KSR2: variants seen among roughly 807,000 people sequenced by gnomAD.
The protein encoded by KSR2 is kinase suppressor of ras 2.
KSR2 carries 25 observed loss-of-function variants against 107.8 expected under a neutral mutation model. That is an observed-to-expected ratio of 0.23 (90% CI 0.17 to 0.32). The LOEUF (loss-of-function observed/expected upper bound fraction) is 0.32. Ranked by LOEUF, KSR2 falls within the 10% of genes least tolerant of loss-of-function variation. KSR2 has a pLI of 1.00. For synonymous variants in KSR2, 480 were observed against 507.0 expected, an observed-to-expected ratio of 0.95 and a Z score of 0.71; for missense variants, 887 against 1,268.9, an observed-to-expected ratio of 0.70 and a Z score of 4.57.
chr12:117,936,532 A>AG (rs879651343), intron 1 of KSR2, among the ~76,000 whole-genome samples: 3,296 of 92,288 alleles, frequency 0.036, 38 homozygotes, highest in African/African-American at 0.045. Flanking sequence ...TATTATTATT[A>AG]TTAGTAGTAG....
At chr12:117,670,733 A>C (rs1262873227) in intron 4 of KSR2, among the ~76,000 whole-genome samples, 1 of 152,074 alleles carries the variant, frequency 6.6e-6, no homozygotes, top group African/African-American at 2.4e-5. Flanking sequence ...TTTGCTCTGG[A>C]GTAACTAAAT....
At chr12:117,714,863 T>C (rs1418898921) in intron 4 of KSR2, among the ~76,000 whole-genome samples, 7 of 152,042 alleles carry the variant, frequency 4.6e-5, no homozygotes, top group Non-Finnish European at 7.4e-5. Flanking sequence ...CCACGAAAAA[T>C]TATGCAGCCC....
intron 4 of KSR2, among the ~76,000 whole-genome samples, chr12:117,723,662 T>C (rs536645435): frequency 6.6e-6 from 1 of 152,096 alleles, no homozygotes; most frequent in South Asian, 2.1e-4. Flanking sequence ...CCAAATAAGA[T>C]CTGTACCTAA....
rs911090824 is a variant in KSR2 at position 117,458,566 on chromosome 12, T to C, written c.*8633A>G. ...TTCTTCTGAGCTAATTTAAGCTAAA[T>C]ACATGGCAGCTATTTTTCATCTCTA... is the stretch of plus-strand genomic sequence containing the variant. On this transcript the variant is annotated 3_prime_UTR_variant, in exon 20 of 20. Coordinates refer to ENST00000339824, the MANE Select transcript of KSR2 (RefSeq NM_173598.6). The C allele has an allele frequency of 1.3e-5, 2 of 152,212 alleles. No individual in the cohort carries two copies. Among genetic ancestry groups the C allele is most frequent in the African/African-American group, 4.8e-5 (2 of 41,464 alleles). The allele number at this position is 152,212 out of a possible 1,614,324, so 9.4% of individuals were successfully genotyped here.
chr12:117,647,471 G>C (rs1883703675), intron 5 of KSR2, among the ~76,000 whole-genome samples: 1 of 152,322 alleles, frequency 6.6e-6, no homozygotes, highest in East Asian at 1.9e-4. Context: ...GGGTGCCATG[G>C]GTGGGAGGCT....
chr12:117,861,963 G>A (rs1406867075), intron 1 of KSR2, among the ~76,000 whole-genome samples: 2 of 152,060 alleles, frequency 1.3e-5, no homozygotes, highest in Admixed American at 6.6e-5. Flanking sequence ...AAACAATTTG[G>A]AAGAATAAAC....
At position 117,465,673 on chromosome 12, in the gene KSR2, T is replaced by A. The variant is rs577903970; in HGVS notation, c.*1526A>T. On this transcript the variant is annotated 3_prime_UTR_variant, in exon 20 of 20. Coordinates refer to ENST00000339824, the MANE Select transcript of KSR2 (RefSeq NM_173598.6). ...GCCCTCTAGGAGGGAGATGCCTGGA[T>A]AGATAGTAGCTACAAGAAAACTAAG... is the stretch of plus-strand genomic sequence containing the variant. 2 of 152,132 alleles carry A rather than the reference T, an allele frequency of 1.3e-5. No homozygotes were observed. Among genetic ancestry groups the A allele is most frequent in the Admixed American group, 1.3e-4 (2 of 15,280 alleles). 9.4% of individuals were successfully genotyped at this position (152,132 alleles called of 1,614,324 possible).
chr12:117,728,822 G>A (rs182540462), intron 4 of KSR2, among the ~76,000 whole-genome samples: 17 of 152,336 alleles, frequency 1.1e-4, no homozygotes, highest in African/African-American at 3.8e-4. Flanking sequence ...AGCCATGCCA[G>A]GGGGTCACTG....
chr12:117,639,481 C>A (rs945142488), intron 5 of KSR2, among the ~76,000 whole-genome samples: 2 of 151,020 alleles, frequency 1.3e-5, no homozygotes. Flanking sequence ...AGGTGTGCAC[C>A]ACCATGCCCG....
At chr12:117,600,077 C>G (rs1880854249) in intron 5 of KSR2, among the ~76,000 whole-genome samples, 1 of 152,156 alleles carries the variant, frequency 6.6e-6, no homozygotes, top group Non-Finnish European at 1.5e-5. Flanking sequence ...GCCACCACTC[C>G]CAGCTGTAGT....
At chr12:117,587,841 T>C (rs1450171003) in intron 5 of KSR2, among the ~76,000 whole-genome samples, 1 of 152,204 alleles carries the variant, frequency 6.6e-6, no homozygotes, top group African/African-American at 2.4e-5. Context: ...GACGCTGTGC[T>C]GGGCAGTATG....
intron 5 of KSR2, among the ~76,000 whole-genome samples, chr12:117,589,326 T>G (rs750827905): frequency 3.3e-5 from 5 of 152,208 alleles, no homozygotes; most frequent in Non-Finnish European, 5.9e-5. Flanking sequence ...TAGCTAACTT[T>G]TATTAAGCAC....
chr12:117,760,662 G>C (rs150051018), intron 4 of KSR2, among the ~76,000 whole-genome samples: 221 of 152,302 alleles, frequency 1.5e-3, no homozygotes, highest in Non-Finnish European at 2.4e-3. Flanking sequence ...TTTCAGCTTT[G>C]TGGGCTATTC....
In KSR2 at chr12:117,539,701, C is replaced by T. The variant is rs1280845687; in HGVS notation, c.1687+18G>A. 6.3e-7 allele frequency: 1 copy of T among 1,594,406 alleles called. No homozygotes were observed. The highest frequency in any genetic ancestry group is 1.4e-5 in the African/African-American group (1 of 73,880). On this transcript the variant is annotated intron_variant, in intron 10 of 19. Coordinates refer to ENST00000339824, the MANE Select transcript of KSR2 (RefSeq NM_173598.6). ...CTCCAACGCTGCACCCCTCATGTCT[C>T]CCCAAGCATGGAGGTACCTGGCAGG...
intron 3 of KSR2, among the ~76,000 whole-genome samples, chr12:117,824,736 A>G (rs1318958743): frequency 6.6e-6 from 1 of 151,598 alleles, no homozygotes; most frequent in Non-Finnish European, 1.5e-5. Context: ...AGGCGCCTGT[A>G]GTCCCAGCTA....
intron 3 of KSR2, among the ~76,000 whole-genome samples, chr12:117,840,253 A>G (rs1026611076): frequency 6.6e-5 from 10 of 152,136 alleles, no homozygotes; most frequent in Non-Finnish European, 1.3e-4. Context: ...GTGCACCACA[A>G]CGCCTGGCTA....
chr12:117,785,477 G>C lies in KSR2; in HGVS notation c.473-23953C>G, dbSNP rs184289185. 1.5e-3 allele frequency among the ~76,000 whole-genome samples: 202 copies of C among 132,096 alleles called. 1 individual carries two copies. Among genetic ancestry groups the C allele is most frequent in the African/African-American group, 5.2e-3 (191 of 36,540 alleles). The allele number at this position is 132,096 out of a possible 152,430, so 86.7% of individuals were successfully genotyped here. ...TAGGTAGCAACACTGAGATGAGCCA[G>C]ATATTAGAATTACCAGACATAAACT... On this transcript the variant is annotated intron_variant, in intron 3 of 19. Coordinates refer to ENST00000339824, the MANE Select transcript of KSR2 (RefSeq NM_173598.6).
intron 2 of KSR2, 115 bp from the exon 3 acceptor site, chr12:117,855,693 A>T: frequency 9.7e-7 from 1 of 1,032,012 alleles, no homozygotes; most frequent in Non-Finnish European, 1.4e-6. Context: ...GCTTTGCATG[A>T]CAGTGGGGTC....
chr12:117,554,056 T>C (rs1041095219), intron 9 of KSR2, among the ~76,000 whole-genome samples: 1 of 152,200 alleles, frequency 6.6e-6, no homozygotes, highest in Non-Finnish European at 1.5e-5. Context: ...TATTCCTTCA[T>C]AGCAATGCAA....
Sources: allele counts gnomAD v4.1 joint callset (sites outside exome capture counted in the v4.1 genomes callset), GRCh38; gene constraint gnomAD v4.1.1; transcripts MANE v1.5; gene names NCBI Gene and HGNC (gene_info 2026-07-23, HGNC 2026-07-21).